The following DPF2 variants were observed in gnomAD, a reference collection of about 807,000 sequenced individuals.
The protein encoded by DPF2 is zinc finger protein ubi-d4.
A neutral mutation model predicts 59.6 loss-of-function variants in DPF2; 10 were observed. The observed-to-expected ratio is 0.17, with a 90% CI of 0.10 to 0.28. The LOEUF (loss-of-function observed/expected upper bound fraction) is 0.28. Ranked by LOEUF, DPF2 falls within the 10% of genes least tolerant of loss-of-function variation. DPF2 has a pLI of 1.00. For synonymous variants in DPF2, 189 were observed against 190.6 expected, an observed-to-expected ratio of 0.99 and a Z score of 0.07; for missense variants, 315 against 509.4, an observed-to-expected ratio of 0.62 and a Z score of 3.67.
chr11:65,338,026 C>G (rs182986410), intron 1 of DPF2, among the ~76,000 whole-genome samples: 1 of 152,286 alleles, frequency 6.6e-6, no homozygotes, highest in Non-Finnish European at 1.5e-5. Context: ...GTCTCGAACT[C>G]CTGACCTCAG....
intron 10 of DPF2, among the ~76,000 whole-genome samples, chr11:65,351,091 G>A (rs975514629): frequency 6.6e-6 from 1 of 151,932 alleles, no homozygotes; most frequent in Non-Finnish European, 1.5e-5. Context: ...TTTGCCAACC[G>A]TATTGACCTT....
chr11:65,345,447 G>C (rs1854499886), intron 6 of DPF2: 10 of 597,246 alleles, frequency 1.7e-5, no homozygotes, highest in Non-Finnish European at 2.9e-5. Flanking sequence ...TGGGGTTGGA[G>C]TTCAGGAGGG....
intron 6 of DPF2, chr11:65,344,801 C>CCA: frequency 1.5e-6 from 1 of 676,438 alleles, no homozygotes; most frequent in Non-Finnish European, 2.5e-6. Flanking sequence ...GCTGCCTTTA[C>CCA]CACTGCTTGT....
At chr11:65,347,333 ATT>A (rs993578933) in intron 9 of DPF2, 2 of 151,032 alleles carry the variant, frequency 1.3e-5, no homozygotes, top group Non-Finnish European at 3.0e-5. Flanking sequence ...TTCTTTATGT[ATT>A]TATTTATTTA....
At chr11:65,335,433 T>A (rs917991071) in intron 1 of DPF2, among the ~76,000 whole-genome samples, 1 of 152,214 alleles carries the variant, frequency 6.6e-6, no homozygotes, top group African/African-American at 2.4e-5. Flanking sequence ...AGTGAGGTTC[T>A]TCGTGTTGGA....
chr11:65,337,321 A>G (rs1854191047), intron 1 of DPF2, among the ~76,000 whole-genome samples: 1 of 150,734 alleles, frequency 6.6e-6, no homozygotes, highest in Non-Finnish European at 1.5e-5. Context: ...GTGGTGGCGC[A>G]TGCCACTCGG....
intron 1 of DPF2, among the ~76,000 whole-genome samples, chr11:65,338,194 G>A (rs1270084764): frequency 6.6e-6 from 1 of 152,094 alleles, no homozygotes; most frequent in Non-Finnish European, 1.5e-5. Context: ...AGATCCACCA[G>A]CCTTGGCCTC....
chr11:65,348,676 G>T, intron 9 of DPF2, 174 bp from the exon 10 acceptor site: 1 of 519,056 alleles, frequency 1.9e-6, no homozygotes. Flanking sequence ...GGACCCAAGT[G>T]AGAAATGACA....
At chr11:65,340,080 G>A (rs1044408282) in intron 1 of DPF2, among the ~76,000 whole-genome samples, 6 of 152,308 alleles carry the variant, frequency 3.9e-5, no homozygotes, top group African/African-American at 1.4e-4. Context: ...TAGCACAGGG[G>A]TGGGCTTGTG....
chr11:65,345,540 G>C, intron 6 of DPF2, 126 bp from the exon 7 acceptor site: 2 of 1,375,784 alleles, frequency 1.5e-6, no homozygotes, highest in Admixed American at 3.8e-5. Flanking sequence ...GCCTGTCCCA[G>C]AGTGGAGCTG....
At position 65,346,288 on chromosome 11, in the gene DPF2, G is replaced by A. The variant is rs1256420085; in HGVS notation, c.946G>A (p.Ala316Thr). 1 of 1,613,902 alleles carries A rather than the reference G, an allele frequency of 6.2e-7. No individual in the cohort carries two copies. Among genetic ancestry groups the A allele is most frequent in the Non-Finnish European group, 8.5e-7 (1 of 1,180,036 alleles). ...CLQFTPVMMA[A>T]VKTYRWQCIE... ...CCAATTTACCCCCGTGATGATGGCG[G>A]CAGTGAAGACATACCGCTGGCAGTG... The change falls in exon 9 of 11, where the codon GCA becomes ACA. Residue 316 changes from alanine to threonine, a missense_variant. Physicochemically the swap from Ala to Thr is moderately conservative, Grantham distance 58. Transcript: ENST00000528416.
At chr11:65,339,094 A>G (rs1854291085) in intron 1 of DPF2, among the ~76,000 whole-genome samples, 2 of 152,114 alleles carry the variant, frequency 1.3e-5, no homozygotes, top group African/African-American at 2.4e-5. Flanking sequence ...TGAGAAATAA[A>G]TCAATTCTGC....
At position 65,352,842 on chromosome 11, in the gene DPF2, G is replaced by A. The variant is rs1854759194; in HGVS notation, c.*1083G>A. 2 of 152,576 alleles carry A rather than the reference G, an allele frequency of 1.3e-5. No individual in the cohort carries two copies. The highest frequency in any genetic ancestry group is 1.3e-4 in the Admixed American group (2 of 15,278). The allele number at this position is 152,576 out of a possible 1,614,324, so 9.5% of individuals were successfully genotyped here. ...AGTAGTGGGGGGACAGTCCATGCCA[G>A]GACACCCTGGAGTAGCCTTCCCCCT... is the stretch of plus-strand genomic sequence containing the variant. On this transcript the variant is annotated 3_prime_UTR_variant, in exon 11 of 11. Coordinates refer to ENST00000528416, the MANE Select transcript of DPF2 (RefSeq NM_006268.5).
At chr11:65,349,720 CG>C (rs1565542539) in intron 10 of DPF2, among the ~76,000 whole-genome samples, 3 of 151,748 alleles carry the variant, frequency 2.0e-5, no homozygotes, top group African/African-American at 7.3e-5. Flanking sequence ...GGCGTGAACC[CG>C]GGAAGCGGAG....
intron 1 of DPF2, among the ~76,000 whole-genome samples, chr11:65,338,821 G>T (rs1186817240): frequency 6.6e-6 from 1 of 152,194 alleles, no homozygotes; most frequent in East Asian, 1.9e-4. Flanking sequence ...CTAGAGCAGG[G>T]TTTGTTGGTG....
intron 6 of DPF2, chr11:65,344,586 T>G: frequency 6.5e-7 from 1 of 1,536,028 alleles, no homozygotes. Context: ...TCAGATAGTT[T>G]CAAACAAAAG....
chr11:65,335,889 C>T (rs1950088833), intron 1 of DPF2, among the ~76,000 whole-genome samples: 1 of 152,116 alleles, frequency 6.6e-6, no homozygotes, highest in African/African-American at 2.4e-5. Flanking sequence ...TCTTGGCTCA[C>T]TGCAACCTCC....
In DPF2 at chr11:65,344,023, G is replaced by A. The variant is rs771965563; in HGVS notation, c.591G>A (p.Leu197=). The A allele has an allele frequency of 6.2e-7, 1 of 1,614,186 alleles. No homozygotes were observed. Residue 197 remains leucine (L), a synonymous_variant, in exon 6 of 11, where the codon CTG becomes CTA. Transcript: ENST00000528416. ...GTGTGGGCAGTGCCCGTAAGAAGCT[G>A]GATGCTTCCATCCTGGAGGACCGGG... ...GKGVGSARKK[L]DASILEDRDK...
In DPF2 at chr11:65,352,307, G is replaced by A. The variant is rs1854725511; in HGVS notation, c.*548G>A. On this transcript the variant is annotated 3_prime_UTR_variant, in exon 11 of 11. Transcript: ENST00000528416. ...TTCCTGCTACAGAGTGTTCTTTTCT[G>A]GAGTCAGGATGTTCTCGGTCACCCT... 6.4e-6 allele frequency: 1 copy of A among 156,600 alleles called. No individual in the cohort carries two copies. The highest frequency in any genetic ancestry group is 1.4e-5 in the Non-Finnish European group (1 of 70,478). The allele number at this position is 156,600 out of a possible 1,614,324, so 9.7% of individuals were successfully genotyped here.
Sources: allele counts gnomAD v4.1 joint callset (sites outside exome capture counted in the v4.1 genomes callset), GRCh38; gene constraint gnomAD v4.1.1; transcripts MANE v1.5; gene names NCBI Gene and HGNC (gene_info 2026-07-23, HGNC 2026-07-21).